The following RARS1 variants were observed in gnomAD, a reference collection of about 807,000 sequenced individuals.
RARS1 encodes the protein arginyl-tRNA synthetase 1.
In RARS1, 75 loss-of-function variants were observed where a neutral mutation model predicts 78.7. The ratio of observed to expected loss-of-function variants is 0.95; its 90% CI spans 0.79 to 1.15. RARS1 has a LOEUF of 1.15. Ranked by LOEUF, RARS1 falls within the 50% of genes most tolerant of loss-of-function variation. The probability of loss-of-function intolerance (pLI) is 0.00; values close to 1 mark genes in which losing one functional copy is unlikely to be tolerated. For synonymous variants in RARS1, 273 were observed against 268.2 expected, an observed-to-expected ratio of 1.02 and a Z score of -0.18; for missense variants, 787 against 787.5, an observed-to-expected ratio of 1.00 and a Z score of 0.01.
intron 5 of RARS1, 198 bp downstream of exon 5, chr5:168,494,848 A>T (rs1758151105): frequency 4.2e-6 from 2 of 472,370 alleles, no homozygotes; most frequent in Non-Finnish European, 3.7e-6. Flanking sequence ...GTATCATGAG[A>T]CTTCATCTCT....
Position 168,488,660 on chromosome 5 carries a change from T to G in RARS1, c.104T>G (p.Leu35Ter), listed in dbSNP as rs776864941. 4 of 1,612,744 alleles carry G rather than the reference T, an allele frequency of 2.5e-6. No homozygotes were observed. The African/African-American group carries it at 4.0e-5, about 16-fold the overall frequency. ...EIDRLKNCGC[L>*]GASPNLEQLQ... ...GACCGGTTGAAAAACTGTGGCTGTT[T>G]AGGAGCTTCTCCAAATTTGGAGCAG... The change falls in exon 2 of 15, where the codon TTA becomes TGA. Residue 35 changes from leucine to a stop codon, truncating the protein, a stop_gained. Coordinates refer to ENST00000231572, the MANE Select transcript of RARS1 (RefSeq NM_002887.4). LOFTEE classifies it high-confidence loss of function.
intron 11 of RARS1, among the ~76,000 whole-genome samples, chr5:168,509,832 A>G (rs1484200501): frequency 1.3e-5 from 2 of 152,002 alleles, no homozygotes; most frequent in South Asian, 2.1e-4. Context: ...TTAACCAGGT[A>G]TGGTGGCTCG....
At chr5:168,487,376 A>T (rs1181723783) in intron 1 of RARS1, among the ~76,000 whole-genome samples, 1 of 152,114 alleles carries the variant, frequency 6.6e-6, no homozygotes, top group Non-Finnish European at 1.5e-5. Flanking sequence ...CCTACAAAAA[A>T]AAAAAGTGAA....
At position 168,510,595 on chromosome 5, in the gene RARS1, C is replaced by A; in HGVS notation, c.1361C>A (p.Thr454Lys). 1 of 1,607,586 alleles carries A rather than the reference C, an allele frequency of 6.2e-7. No homozygotes were observed. ...VLGEDKKKFK[T>K]RSGETVRLMD... is the part of the protein sequence containing the mutation. ...ACATTTTTTAGGAAAAAGTTTAAAA[C>A]ACGTTCGGGTGAAACAGTGCGCCTC... The change falls in exon 12 of 15, where the codon ACA becomes AAA. Residue 454 changes from threonine to lysine, a missense_variant. Transcript: ENST00000231572.
chr5:168,491,935 G>A (rs2152903568), intron 2 of RARS1, among the ~76,000 whole-genome samples: 1 of 141,310 alleles, frequency 7.1e-6, no homozygotes, highest in South Asian at 2.2e-4. Context: ...AAAAGCATAT[G>A]TGTCATTCAC....
At position 168,497,249 on chromosome 5, in the gene RARS1, G is replaced by A. The variant is rs1309093466; in HGVS notation, c.723G>A (p.Trp241Ter). Reference protein sequence around the residue: ...DVLRLNHVGDWGTQFGMLIAH... With the variant: ...DVLRLNHVGD The stretch of plus-strand genomic sequence containing the variant: ...TTAGGTTAAATCATGTAGGAGACTG[G>A]GGGACCCAGTTTGGCATGCTCATCG... Residue 241 changes from tryptophan to a stop codon, truncating the protein, a stop_gained, in exon 7 of 15, where the codon TGG (tryptophan) becomes TGA (stop). Coordinates refer to ENST00000231572, the MANE Select transcript of RARS1 (RefSeq NM_002887.4). LOFTEE classifies it high-confidence loss of function. The A allele has an allele frequency of 1.3e-6, 2 of 1,577,504 alleles. No individual in the cohort carries two copies. Among genetic ancestry groups the A allele is most frequent in the Non-Finnish European group, 1.7e-6 (2 of 1,160,216 alleles).
Position 168,516,773 on chromosome 5 carries a change from C to T in RARS1, c.1453-5C>T, listed in dbSNP as rs747294864. The T allele has an allele frequency of 1.2e-6, 2 of 1,613,634 alleles. No individual in the cohort carries two copies. Among genetic ancestry groups the T allele is most frequent in the Non-Finnish European group, 1.7e-6 (2 of 1,179,694 alleles). On this transcript the variant is annotated splice_region_variant and splice_polypyrimidine_tract_variant and intron_variant, in intron 12 of 14. Transcript: ENST00000231572. ...CTATGAAATACTGTTTTGTTTTTCCCAAAGGTCTTAACTGCAGAGGAATTG... is the reference window on the plus strand; with the variant it reads ...CTATGAAATACTGTTTTGTTTTTCCTAAAGGTCTTAACTGCAGAGGAATTG...
chr5:168,505,229 T>C lies in RARS1; in HGVS notation c.1058-792T>C, dbSNP rs769351240. Reference sequence around the variant, plus strand: ...TAGAGTTATTTACTGCATAGGGTTATTTTGAAGGTTAAATTTAAGGACTTA... The same window carrying C: ...TAGAGTTATTTACTGCATAGGGTTACTTTGAAGGTTAAATTTAAGGACTTA... On this transcript the variant is annotated intron_variant, in intron 9 of 14. Transcript: ENST00000231572. Among the ~76,000 whole-genome samples the C allele has an allele frequency of 5.3e-5, 8 of 152,036 alleles. No homozygotes were observed. In the South Asian group the frequency reaches 1.7e-3, roughly 32 times the overall value.
intron 7 of RARS1, among the ~76,000 whole-genome samples, chr5:168,499,708 TAAAAA>T (rs11345301): frequency 1.3e-4 from 20 of 148,218 alleles, no homozygotes; most frequent in Non-Finnish European, 3.0e-4. Context: ...CAAACCACAG[TAAAAA>T]AAAAAGCCAT....
intron 12 of RARS1, among the ~76,000 whole-genome samples, chr5:168,514,012 G>A (rs950769918): frequency 1.3e-5 from 2 of 152,142 alleles, no homozygotes; most frequent in African/African-American, 2.4e-5. Flanking sequence ...TGGGGCTGAG[G>A]GAGGAAATAA....
rs140508542 is a variant in RARS1 at position 168,503,487 on chromosome 5, G to A, written c.1057+1382G>A. On this transcript the variant is annotated intron_variant, in intron 9 of 14. Transcript: ENST00000231572. ...GTTGTTTGATTTTGATATTATTGTG[G>A]TGGGCTTTTAATGTGTTTTATATTT... is the stretch of plus-strand genomic sequence containing the variant. Among the ~76,000 whole-genome samples the A allele has an allele frequency of 1.9e-3, 287 of 152,238 alleles. 2 individuals carry two copies. Among genetic ancestry groups the A allele is most frequent in the African/African-American group, 6.5e-3 (270 of 41,548 alleles).
At chr5:168,488,379 A>C (rs1758013051) in intron 1 of RARS1, 1 of 466,712 alleles carries the variant, frequency 2.1e-6, no homozygotes, top group Non-Finnish European at 3.8e-6. Flanking sequence ...CCACCTGCCT[A>C]GGCCTCCCAA....
At chr5:168,505,758 GT>G (rs1239134164) in intron 9 of RARS1, among the ~76,000 whole-genome samples, 1 of 148,786 alleles carries the variant, frequency 6.7e-6, no homozygotes, top group Non-Finnish European at 1.5e-5. Flanking sequence ...CAAGTTTAGT[GT>G]TTAAGTGTGG....
intron 11 of RARS1, among the ~76,000 whole-genome samples, chr5:168,510,359 C>T (rs1234904768): frequency 6.6e-6 from 1 of 152,168 alleles, no homozygotes; most frequent in African/African-American, 2.4e-5. Context: ...CACTTGAAAG[C>T]ACAGTGTTTC....
At chr5:168,513,213 T>A (rs1191825241) in intron 12 of RARS1, among the ~76,000 whole-genome samples, 18 of 147,734 alleles carry the variant, frequency 1.2e-4, no homozygotes. Flanking sequence ...GCCCTGCTAA[T>A]TTTTTGTATT....
intron 8 of RARS1, among the ~76,000 whole-genome samples, 160 bp from the exon 9 acceptor site, chr5:168,501,841 T>C (rs1758330020): frequency 6.6e-6 from 1 of 152,216 alleles, no homozygotes; most frequent in Non-Finnish European, 1.5e-5. Flanking sequence ...TTTTTCAAAA[T>C]GACAGCATGT....
intron 13 of RARS1, among the ~76,000 whole-genome samples, chr5:168,517,247 A>AT (rs972919310): frequency 2.0e-5 from 3 of 151,996 alleles, no homozygotes; most frequent in African/African-American, 7.3e-5. Context: ...GGTTCAGGTG[A>AT]TTCTCCTGCC....
intron 2 of RARS1, among the ~76,000 whole-genome samples, chr5:168,491,648 T>C (rs1758087439): frequency 6.6e-6 from 1 of 152,242 alleles, no homozygotes; most frequent in East Asian, 1.9e-4. Context: ...CTGTCTTGTC[T>C]TTGACAAGTG....
intron 1 of RARS1, chr5:168,488,163 T>C: frequency 2.6e-6 from 1 of 379,356 alleles, no homozygotes; most frequent in Non-Finnish European, 5.2e-6. Flanking sequence ...AGTCTCGCTC[T>C]GTCAAGCAGA....
Sources: gnomAD v4.1 joint callset for allele counts (sites outside exome capture counted in the v4.1 genomes callset) on GRCh38, gnomAD v4.1.1 for gene constraint, MANE v1.5 for transcripts, NCBI Gene and HGNC (gene_info 2026-07-23, HGNC 2026-07-21) for gene names.